FREM3: variants seen among roughly 807,000 people sequenced by gnomAD.
FREM3 encodes FRAS1 related extracellular matrix 3.
In FREM3, 105 loss-of-function variants were observed where a neutral mutation model predicts 129.1. The ratio of observed to expected loss-of-function variants is 0.81; its 90% CI spans 0.69 to 0.96. The LOEUF is 0.96. Ranked by LOEUF, FREM3 falls within the 40% of genes least tolerant of loss-of-function variation. The pLI is 0.00. For missense variants in FREM3, 2,593 were observed against 2,666.3 expected (o/e 0.97, Z 0.61); for synonymous variants, 1,014 against 1,044.9 (o/e 0.97, Z 0.57).
rs1004104194 is a variant in FREM3 at position 143,699,653 on chromosome 4, G to A, written c.1023C>T (p.Asp341=). 6 of 1,530,102 alleles carry A rather than the reference G, an allele frequency of 3.9e-6. No homozygotes were observed. The Admixed American group carries it at 7.9e-5, about 20-fold the overall frequency. 94.8% of individuals were successfully genotyped at this position (1,530,102 alleles called of 1,614,324 possible). A position where few individuals can be genotyped will look rare whatever the true frequency, so the allele number is the denominator to read the frequency against. The change falls in exon 1 of 8, where the codon GAC becomes GAT. Residue 341 remains aspartate (D), a synonymous_variant. Coordinates refer to ENST00000329798, the MANE Select transcript of FREM3 (RefSeq NM_001168235.2). This position sits in a 1 kb window ranked among gnomAD's most constrained non-coding sequence, Gnocchi z 4.2. ...AAEDVESDPG[D]LVFNILNAPT... is the part of the protein sequence containing the mutation. ...GGGCGTTCAGAATGTTGAACACCAGGTCACCAGGGTCTGACTCGACGTCCT... is the reference window on the plus strand; with the variant it reads ...GGGCGTTCAGAATGTTGAACACCAGATCACCAGGGTCTGACTCGACGTCCT...
At chr4:143,655,796 C>G (rs908677805) in intron 2 of FREM3, among the ~76,000 whole-genome samples, 2 of 152,130 alleles carry the variant, frequency 1.3e-5, no homozygotes, top group African/African-American at 4.8e-5. Flanking sequence ...ACCAGGGGCC[C>G]AGGGCATAGC....
chr4:143,659,089 TTTATTATTA>T (rs34321854), intron 2 of FREM3, among the ~76,000 whole-genome samples: 8 of 141,506 alleles, frequency 5.7e-5, no homozygotes, highest in Middle Eastern at 3.7e-3. Context: ...ATTATTTTTA[TTTATTATTA>T]TTATTATTAT....
In FREM3 at chr4:143,699,437, G is replaced by GCCGTCT. The variant is rs1560878853; in HGVS notation, c.1233_1238dup (p.Asp412_Gly413dup). ...TGAAGGCAAAGGGGTCTGAGGCGGC[G>GCCGTCT]CCGTCTCCGTCCACCACCTCCAGCT... is the stretch of plus-strand genomic sequence containing the variant. On this transcript the variant is annotated inframe_insertion, in exon 1 of 8. Transcript: ENST00000329798. This position sits in a 1 kb window ranked among gnomAD's most constrained non-coding sequence, Gnocchi z 4.2. 6.5e-7 allele frequency: 1 copy of GCCGTCT among 1,537,282 alleles called. No homozygotes were observed. The highest frequency in any genetic ancestry group is 8.7e-7 in the Non-Finnish European group (1 of 1,146,924).
At position 143,700,390 on chromosome 4, in the gene FREM3, C is replaced by G; in HGVS notation, c.286G>C (p.Glu96Gln). Residue 96 changes from glutamate to glutamine, a missense_variant, in exon 1 of 8, where the codon GAA becomes CAA. By Grantham distance (29) the Glu-to-Gln change is conservative. This residue lies in a region of FREM3 where 2,276 missense variants were observed against 2,267.2 expected (regional missense o/e 1.00). Transcript: ENST00000329798. ...VIGVQPGDRC[E>Q]VTVLDALPRL... ...GGCAGGGCGTCCAGTACCGTGACTTCGCACCGGTCCCCCGGCTGCACTCCA... is the reference window on the plus strand; with the variant it reads ...GGCAGGGCGTCCAGTACCGTGACTTGGCACCGGTCCCCCGGCTGCACTCCA... 6.5e-7 allele frequency: 1 copy of G among 1,534,824 alleles called. No individual in the cohort carries two copies. Among genetic ancestry groups the G allele is most frequent in the South Asian group, 1.2e-5 (1 of 83,920 alleles).
intron 2 of FREM3, among the ~76,000 whole-genome samples, chr4:143,665,305 C>T (rs183250310): frequency 6.6e-6 from 1 of 152,108 alleles, no homozygotes; most frequent in Non-Finnish European, 1.5e-5. Context: ...GTGCCTTACC[C>T]ACTTATTCTC....
chr4:143,610,752 T>A (rs556044686), intron 6 of FREM3, among the ~76,000 whole-genome samples: 163 of 152,284 alleles, frequency 1.1e-3, no homozygotes, highest in Admixed American at 4.1e-3. Context: ...GGAGTTGGTG[T>A]TTAGGAATGA....
At chr4:143,695,027 A>C (rs1740539501) in intron 1 of FREM3, among the ~76,000 whole-genome samples, 1 of 152,250 alleles carries the variant, frequency 6.6e-6, no homozygotes. Context: ...TAGACGTAGA[A>C]ATTACGTTTG....
In FREM3 at chr4:143,695,842, C is replaced by T. The variant is rs769774533; in HGVS notation, c.4834G>A (p.Gly1612Ser). 39 of 1,537,250 alleles carry T rather than the reference C, an allele frequency of 2.5e-5. 1 individual carries two copies. Among genetic ancestry groups the T allele is most frequent in the South Asian group, 2.5e-4 (21 of 84,064 alleles). The stretch of plus-strand genomic sequence containing the variant: ...AAACTATCTTCAGTGGTCTCACTGC[C>T]GTCATGCTTGTAGCTAATCAGGTTC... ...NKNLISYKHD[G>S]SETTEDSFSL... The change falls in exon 1 of 8, where the codon GGC (glycine) becomes AGC (serine). Residue 1612 changes from glycine (G) to serine (S), a missense_variant. Around this residue, in one of 2 missense-constraint regions of FREM3, gnomAD observed 2,276 missense variants for 2,267.2 expected, o/e 1.00. Coordinates refer to ENST00000329798, the MANE Select transcript of FREM3 (RefSeq NM_001168235.2).
intron 2 of FREM3, among the ~76,000 whole-genome samples, chr4:143,660,778 TCTC>T (rs1336508955): frequency 6.6e-6 from 1 of 152,078 alleles, no homozygotes; most frequent in African/African-American, 2.4e-5. Context: ...GGTTTGTAGT[TCTC>T]CTTGAAGAGG....
Position 143,697,457 on chromosome 4 carries a change from G to C in FREM3, c.3219C>G (p.Phe1073Leu), listed in dbSNP as rs1034494. 1,532,254 of 1,537,264 alleles carry C rather than the reference G, an allele frequency of 1. 763,758 individuals carry two copies. The highest frequency in any genetic ancestry group is 1 in the East Asian group (40,914 of 40,914). Residue 1073 changes from phenylalanine (F) to leucine (L), a missense_variant, in exon 1 of 8, where the codon TTC becomes TTG. Around this residue, in one of 2 missense-constraint regions of FREM3, gnomAD observed 2,276 missense variants for 2,267.2 expected, o/e 1.00. Coordinates refer to ENST00000329798, the MANE Select transcript of FREM3 (RefSeq NM_001168235.2). ...LPVDNVGPKV[F>L]VGESFIVYEG... is the part of the protein sequence containing the mutation. ...CATAGACAATGAAGGACTCCCCGAC[G>C]AAGACCTTGGGTCCCACATTGTCCA...
chr4:143,684,935 A>G (rs1440385383), intron 2 of FREM3, among the ~76,000 whole-genome samples: 1 of 151,142 alleles, frequency 6.6e-6, no homozygotes, highest in Non-Finnish European at 1.5e-5. Context: ...ATGTCTTCAA[A>G]TTAACCCAAT....
At position 143,611,515 on chromosome 4, in the gene FREM3, C is replaced by A; in HGVS notation, c.5792G>T (p.Gly1931Val). 1 of 1,536,894 alleles carries A rather than the reference C, an allele frequency of 6.5e-7. No individual in the cohort carries two copies. The highest frequency in any genetic ancestry group is 8.7e-7 in the Non-Finnish European group (1 of 1,146,692). ...GAATAACACTGTGGAAGAAATCGTG[C>A]CTGTGGCAGAACCTACAGAAATATG... ...ICSTRQGSAT[G>V]TISSTVLFSD... Residue 1931 changes from glycine to valine, a missense_variant, in exon 6 of 8, where the codon GGC becomes GTC. Physicochemically the swap from Gly to Val is moderately radical, Grantham distance 109. Coordinates refer to ENST00000329798, the MANE Select transcript of FREM3 (RefSeq NM_001168235.2).
At chr4:143,678,317 C>T (rs1246895035) in intron 2 of FREM3, among the ~76,000 whole-genome samples, 2 of 151,992 alleles carry the variant, frequency 1.3e-5, no homozygotes, top group Non-Finnish European at 2.9e-5. Context: ...CGCATGTTCT[C>T]ACTCATAGAT....
intron 2 of FREM3, among the ~76,000 whole-genome samples, chr4:143,657,532 C>T (rs1739623103): frequency 6.6e-6 from 1 of 152,118 alleles, no homozygotes; most frequent in South Asian, 2.1e-4. Context: ...CCTGTACTTA[C>T]CCAAATGATA....
chr4:143,695,362 T>G (rs1740544886), intron 1 of FREM3, 129 bp downstream of exon 1: 1 of 784,038 alleles, frequency 1.3e-6, no homozygotes, highest in Non-Finnish European at 1.9e-6. Flanking sequence ...AGTTTCACGC[T>G]TCACTGTATT....
At chr4:143,578,573 C>A (rs1175336880) in intron 7 of FREM3, among the ~76,000 whole-genome samples, 1 of 152,172 alleles carries the variant, frequency 6.6e-6, no homozygotes, top group African/African-American at 2.4e-5. Context: ...CTGGCAGATA[C>A]TACCTTACCC....
chr4:143,623,605 A>G (rs1329774556), intron 4 of FREM3, among the ~76,000 whole-genome samples: 4 of 149,996 alleles, frequency 2.7e-5, no homozygotes, highest in Non-Finnish European at 5.9e-5. Flanking sequence ...CTGGGGAGAT[A>G]CTTGCTGAAA....
chr4:143,587,961 A>G (rs932684462), intron 6 of FREM3, among the ~76,000 whole-genome samples: 4 of 152,202 alleles, frequency 2.6e-5, no homozygotes, highest in African/African-American at 9.6e-5. Flanking sequence ...CATGTGGTCC[A>G]TGGCAACCTT....
rs1740019108 is a variant in FREM3 at position 143,672,560 on chromosome 4, A to G, written c.5275+20553T>C. 2.6e-5 allele frequency among the ~76,000 whole-genome samples: 4 copies of G among 152,104 alleles called. No homozygotes were observed. In the South Asian group the frequency reaches 8.3e-4, roughly 31 times the overall value. Reference sequence around the variant, plus strand: ...CATTTCAACTTTGGTGAATCTGACAATTATGCGTCTTGGAGTTGCTCTTCT... The same window carrying G: ...CATTTCAACTTTGGTGAATCTGACAGTTATGCGTCTTGGAGTTGCTCTTCT... On this transcript the variant is annotated intron_variant, in intron 2 of 7. Transcript: ENST00000329798.
Sources: allele counts gnomAD v4.1 joint callset (sites outside exome capture counted in the v4.1 genomes callset), GRCh38; gene constraint gnomAD v4.1.1; regional missense constraint gnomAD v4.1.1; non-coding constraint Gnocchi (gnomAD v3.1); transcripts MANE v1.5; gene names NCBI Gene and HGNC (gene_info 2026-07-23, HGNC 2026-07-21).